Variants in VIRMA observed in about 807,000 individuals in gnomAD.
The protein encoded by VIRMA is protein virilizer homolog.
In VIRMA, 65 loss-of-function variants were observed where a neutral mutation model predicts 182.4. The observed-to-expected ratio is 0.36, with a 90% confidence interval of 0.29 to 0.44. VIRMA has a LOEUF of 0.44. Ranked by LOEUF, VIRMA falls within the 20% of genes least tolerant of loss-of-function variation. The pLI, the probability that VIRMA is intolerant of heterozygous loss-of-function variation, is 1.00. For missense variants in VIRMA, 1,752 were observed against 2,158.1 expected, an observed-to-expected ratio of 0.81 and a Z score of 3.73; for synonymous variants, 709 against 743.1, an observed-to-expected ratio of 0.95 and a Z score of 0.75.
intron 15 of VIRMA, among the ~76,000 whole-genome samples, chr8:94,507,885 G>GTATATATGTATATATATGTATATATGTA (rs1554553849): frequency 0.063 from 8,245 of 131,122 alleles, 275 homozygotes; most frequent in South Asian, 0.11. Flanking sequence ...ATATATACAT[G>GTATATATGTATATATATGTATATATGTA]TATATATGTA....
At position 94,527,197 on chromosome 8, in the gene VIRMA, T is replaced by C. The variant is rs1484586815; in HGVS notation, c.1047A>G (p.Leu349=). ...TAGTCTTGTATGGACAACTGAAGTATAAGAGTGGTACAAGCTCCCTGTCAT... is the reference window on the plus strand; with the variant it reads ...TAGTCTTGTATGGACAACTGAAGTACAAGAGTGGTACAAGCTCCCTGTCAT... ...DPYDRELVPL[L]YFSCPYKTTF... is the part of the protein sequence containing the mutation. The change falls in exon 8 of 24, where the codon TTA becomes TTG. Residue 349 remains leucine (L), a synonymous_variant. Transcript: ENST00000297591. The C allele has an allele frequency of 5.6e-6, 9 of 1,614,094 alleles. No individual in the cohort carries two copies. The highest frequency in any genetic ancestry group is 3.4e-6 in the Non-Finnish European group (4 of 1,179,972).
Position 94,529,193 on chromosome 8 carries a change from C to G in VIRMA, c.757G>C (p.Asp253His), listed in dbSNP as rs1203208745. Reference sequence around the variant, plus strand: ...TCTTCTTCCTCTACATCCACATCATCTTCATCTTCTTCTCCTTCTTCTTGT... The same window carrying G: ...TCTTCTTCCTCTACATCCACATCATGTTCATCTTCTTCTCCTTCTTCTTGT... ...EQQEEGEEDEDDVDVEEEEDE... is the reference protein window; with the variant it reads ...EQQEEGEEDEHDVDVEEEEDE... Residue 253 changes from aspartate to histidine, a missense_variant, in exon 7 of 24, where the codon GAT becomes CAT. This residue lies in a region of VIRMA where 114 missense variants were observed against 106.9 expected (regional missense o/e 1.07). Transcript: ENST00000297591. 6.8e-7 allele frequency: 1 copy of G among 1,465,468 alleles called. No homozygotes were observed. Among genetic ancestry groups the G allele is most frequent in the Non-Finnish European group, 9.6e-7 (1 of 1,044,928 alleles). The allele number at this position is 1,465,468 out of a possible 1,614,324, so 90.8% of individuals were successfully genotyped here.
chr8:94,530,823 G>T, intron 6 of VIRMA, 140 bp downstream of exon 6: 1 of 748,446 alleles, frequency 1.3e-6, no homozygotes, highest in Non-Finnish European at 2.0e-6. Flanking sequence ...GAGGTGAGAG[G>T]ATCACTTAAG....
Position 94,526,868 on chromosome 8 carries a change from C to T in VIRMA, c.1376G>A (p.Gly459Glu). 1 of 1,614,168 alleles carries T rather than the reference C, an allele frequency of 6.2e-7. No homozygotes were observed. Among genetic ancestry groups the T allele is most frequent in the East Asian group, 2.2e-5 (1 of 44,876 alleles). ...IALNVRQLKA[G>E]TKLVSSLAEC... ...TGCTAGTGAGGACACTAATTTGGTCCCAGCTTTGAGCTGTCGAACATTTAA... is the reference window on the plus strand; with the variant it reads ...TGCTAGTGAGGACACTAATTTGGTCTCAGCTTTGAGCTGTCGAACATTTAA... The change falls in exon 8 of 24, where the codon GGG (glycine) becomes GAG (glutamate). Residue 459 changes from glycine to glutamate, a missense_variant. Physicochemically the swap from Gly to Glu is moderately conservative, Grantham distance 98. Coordinates refer to ENST00000297591, the MANE Select transcript of VIRMA (RefSeq NM_015496.5).
At chr8:94,540,638 T>G (rs1314911104) in intron 2 of VIRMA, among the ~76,000 whole-genome samples, 1 of 151,976 alleles carries the variant, frequency 6.6e-6, no homozygotes, top group African/African-American at 2.4e-5. Context: ...ATTTTTGTAT[T>G]TTTAGTAGAG....
chr8:94,543,423 AAG>A (rs1455505039), intron 2 of VIRMA, among the ~76,000 whole-genome samples: 3 of 147,392 alleles, frequency 2.0e-5, no homozygotes, highest in Non-Finnish European at 4.5e-5. Context: ...AAAAAAAAAA[AAG>A]GAGTAATAAT....
At chr8:94,536,706 G>A (rs72674855) in intron 4 of VIRMA, among the ~76,000 whole-genome samples, 44,676 of 152,036 alleles carry the variant, frequency 0.29, 6,933 homozygotes, top group East Asian at 0.5. Context: ...TGAGCTGGGC[G>A]CGGTGGCTCA....
At chr8:94,496,268 G>T (rs376456605) in intron 18 of VIRMA, 60 bp downstream of exon 18, 4 of 1,423,896 alleles carry the variant, frequency 2.8e-6, no homozygotes, top group Non-Finnish European at 3.8e-6. Flanking sequence ...CGAAATACTT[G>T]TACTAGTCAA....
chr8:94,543,430 A>G lies in VIRMA; in HGVS notation c.179+397T>C, dbSNP rs754393251. 5.4e-5 allele frequency among the ~76,000 whole-genome samples: 8 copies of G among 147,472 alleles called. No individual in the cohort carries two copies. The East Asian group carries it at 1.6e-3, about 29-fold the overall frequency. ...AAAAAAAAAAAAAAAAAAAAGGAGT[A>G]ATAATAATAATAATAATAGTAAGAT... On this transcript the variant is annotated intron_variant, in intron 2 of 23. Coordinates refer to ENST00000297591, the MANE Select transcript of VIRMA (RefSeq NM_015496.5).
Position 94,509,694 on chromosome 8 carries a change from A to G in VIRMA, c.3873T>C (p.Cys1291=). ...EYVTSILQSL[C]DQDIALILPS... ...ATAAAATAACTATAAATACCTGATCACAGAGAGACTGCAAAATGGATGTGA... is the reference window on the plus strand; with the variant it reads ...ATAAAATAACTATAAATACCTGATCGCAGAGAGACTGCAAAATGGATGTGA... Residue 1291 remains cysteine (C), a synonymous_variant, in exon 15 of 24, where the codon TGT becomes TGC. Coordinates refer to ENST00000297591, the MANE Select transcript of VIRMA (RefSeq NM_015496.5). 7 of 1,612,216 alleles carry G rather than the reference A, an allele frequency of 4.3e-6. No individual in the cohort carries two copies. Among genetic ancestry groups the G allele is most frequent in the Non-Finnish European group, 5.1e-6 (6 of 1,179,396 alleles).
At chr8:94,525,374 C>T (rs1814926090) in intron 8 of VIRMA, among the ~76,000 whole-genome samples, 1 of 152,196 alleles carries the variant, frequency 6.6e-6, no homozygotes, top group Non-Finnish European at 1.5e-5. Context: ...TTATCTTACT[C>T]TCTTCAGGCA....
At chr8:94,539,733 A>G (rs1815474529) in intron 2 of VIRMA, among the ~76,000 whole-genome samples, 1 of 152,182 alleles carries the variant, frequency 6.6e-6, no homozygotes, top group Non-Finnish European at 1.5e-5. Context: ...CATGTCCTGG[A>G]AATTTAATCC....
At chr8:94,539,296 G>T (rs554822804) in intron 2 of VIRMA, among the ~76,000 whole-genome samples, 1 of 152,212 alleles carries the variant, frequency 6.6e-6, no homozygotes, top group African/African-American at 2.4e-5. Flanking sequence ...AGTAACTTTA[G>T]CATCACAGCC....
At chr8:94,499,670 C>T (rs1013475570) in intron 16 of VIRMA, among the ~76,000 whole-genome samples, 164 bp from the exon 17 acceptor site, 4 of 151,934 alleles carry the variant, frequency 2.6e-5, no homozygotes, top group African/African-American at 9.7e-5. Context: ...TAACAAAGAA[C>T]CGTCAATAGT....
At position 94,496,346 on chromosome 8, in the gene VIRMA, T is replaced by A; in HGVS notation, c.4365A>T (p.Glu1455Asp). 2 of 1,612,016 alleles carry A rather than the reference T, an allele frequency of 1.2e-6. No individual in the cohort carries two copies. The highest frequency in any genetic ancestry group is 1.7e-6 in the Non-Finnish European group (2 of 1,179,542). ...KEESPENLFL[E>D]LEKLVLEHSK... Reference sequence around the variant, plus strand: ...TTTTTACCAAAACAAGCTTCTCTAGTTCAAGGAACAAATTTTCTGGACTTT... The same window carrying A: ...TTTTTACCAAAACAAGCTTCTCTAGATCAAGGAACAAATTTTCTGGACTTT... The change falls in exon 18 of 24, where the codon GAA becomes GAT. Residue 1455 changes from glutamate (E) to aspartate (D), a missense_variant. Around this residue, in one of 11 missense-constraint regions of VIRMA, gnomAD observed 777 missense variants for 920.6 expected, o/e 0.84. Coordinates refer to ENST00000297591, the MANE Select transcript of VIRMA (RefSeq NM_015496.5).
At chr8:94,499,569 G>A in intron 16 of VIRMA, 63 bp from the exon 17 acceptor site, 1 of 1,175,470 alleles carries the variant, frequency 8.5e-7, no homozygotes, top group Non-Finnish European at 1.2e-6. Context: ...AAACTGGTAT[G>A]ATAAATGAAC....
chr8:94,553,002 A>T (rs1475342961), intron 1 of VIRMA, among the ~76,000 whole-genome samples: 1 of 152,220 alleles, frequency 6.6e-6, no homozygotes, highest in Admixed American at 6.5e-5. Context: ...CACGAAGCCA[A>T]CGTAAACTGC....
intron 1 of VIRMA, among the ~76,000 whole-genome samples, chr8:94,544,295 T>C (rs1815682637): frequency 6.6e-6 from 1 of 152,154 alleles, no homozygotes; most frequent in South Asian, 2.1e-4. Context: ...TGCATATTAC[T>C]TTAGACCCCC....
At position 94,496,434 on chromosome 8, in the gene VIRMA, T is replaced by G; in HGVS notation, c.4277A>C (p.His1426Pro). ...ATTAATACTCATCGTCCGTGATGTA[T>G]GAGCTCCCTCTACTTCCATGAGACC... ...DNGLMEVEGA[H>P]TSRTMSINAA... is the part of the protein sequence containing the mutation. The change falls in exon 18 of 24, where the codon CAT becomes CCT. Residue 1426 changes from histidine to proline, a missense_variant. By Grantham distance (77) the His-to-Pro change is moderately conservative. Coordinates refer to ENST00000297591, the MANE Select transcript of VIRMA (RefSeq NM_015496.5). 1 of 1,613,138 alleles carries G rather than the reference T, an allele frequency of 6.2e-7. No homozygotes were observed. The highest frequency in any genetic ancestry group is 8.5e-7 in the Non-Finnish European group (1 of 1,179,146).
Sources: gnomAD v4.1 joint callset for allele counts (sites outside exome capture counted in the v4.1 genomes callset) on GRCh38, gnomAD v4.1.1 for gene constraint, gnomAD v4.1.1 regional missense constraint, MANE v1.5 for transcripts, NCBI Gene and HGNC (gene_info 2026-07-23, HGNC 2026-07-21) for gene names.